CA7: variants seen among roughly 807,000 people sequenced by gnomAD.
CA7 encodes the protein carbonic anhydrase 7, also known as carbonate dehydratase VII.
CA7 carries 13 observed loss-of-function variants against 31.4 expected under a neutral mutation model. The observed-to-expected ratio is 0.41, with a 90% confidence interval of 0.27 to 0.66. The LOEUF (loss-of-function observed/expected upper bound fraction) is 0.66, where lower values mean the gene tolerates loss of function less well. CA7 is among the 30% of genes least tolerant of loss of function. CA7 has a pLI of 0.28. For missense variants in CA7, 215 were observed against 351.0 expected (o/e 0.61, Z 3.10); for synonymous variants, 128 against 133.2 (o/e 0.96, Z 0.27).
chr16:66,848,794 C>T (rs983184820), intron 2 of CA7, among the ~76,000 whole-genome samples: 1 of 152,184 alleles, frequency 6.6e-6, no homozygotes, highest in African/African-American at 2.4e-5. Context: ...TAGGAGCCCA[C>T]ACTATAGGGT....
At chr16:66,850,758 A>AG (rs762538112) in intron 3 of CA7, 99 bp downstream of exon 3, 1 of 869,624 alleles carries the variant, frequency 1.1e-6, no homozygotes, top group Non-Finnish European at 1.9e-6. Flanking sequence ...GGCCTTGGAG[A>AG]GGGGGAAGAG....
chr16:66,851,179 G>A (rs1351904440), intron 3 of CA7, among the ~76,000 whole-genome samples: 4 of 152,244 alleles, frequency 2.6e-5, no homozygotes, highest in Non-Finnish European at 5.9e-5. Flanking sequence ...CACGCTGGAT[G>A]TTCATGATCG....
chr16:66,853,832 A>AT lies in CA7; in HGVS notation c.*334_*335insT. The stretch of plus-strand genomic sequence containing the variant: ...CCCCGAGCGCACACTGTGATGGAGG[A>AT]GACTGAGCTCCCTGGGGCGGGCAGC... On this transcript the variant is annotated 3_prime_UTR_variant, in exon 7 of 7. Coordinates refer to ENST00000338437, the MANE Select transcript of CA7 (RefSeq NM_005182.3). This position sits in a 1 kb window ranked among gnomAD's most constrained non-coding sequence, Gnocchi z 4.5. The AT allele has an allele frequency of 3.6e-6, 1 of 275,908 alleles. No homozygotes were observed. Among genetic ancestry groups the AT allele is most frequent in the Non-Finnish European group, 7.0e-6 (1 of 143,550 alleles). The allele number at this position is 275,908 out of a possible 1,614,324, so 17.1% of individuals were successfully genotyped here. A position where few individuals can be genotyped will look rare whatever the true frequency, so the allele number is the denominator to read the frequency against.
chr16:66,850,771 G>A (rs980637637), intron 3 of CA7, 112 bp downstream of exon 3: 9 of 766,412 alleles, frequency 1.2e-5, no homozygotes, highest in African/African-American at 1.7e-5. Context: ...GGGAAGAGGA[G>A]CACCCGGGGC....
chr16:66,849,633 G>T (rs1159724471), intron 2 of CA7, among the ~76,000 whole-genome samples: 1 of 152,222 alleles, frequency 6.6e-6, no homozygotes, highest in African/African-American at 2.4e-5. Context: ...AGGCCTAACT[G>T]TCAGTGATAA....
chr16:66,847,264 TG>T, intron 2 of CA7, 37 bp downstream of exon 2: 1 of 1,596,620 alleles, frequency 6.3e-7, no homozygotes, highest in Non-Finnish European at 8.6e-7. Flanking sequence ...ACCTGGCCCC[TG>T]GCCCCTTAGG....
In CA7 at chr16:66,851,698, C is replaced by T; in HGVS notation, c.488C>T (p.Thr163Ile). ...GDEHPSMNRL[T>I]DALYMVRFKG... ...GAGCACCCCAGCATGAATCGTCTGA[C>T]AGATGCGCTCTACATGGTCCGGTTC... The change falls in exon 5 of 7, where the codon ACA becomes ATA. Residue 163 changes from threonine (T) to isoleucine (I), a missense_variant. Coordinates refer to ENST00000338437, the MANE Select transcript of CA7 (RefSeq NM_005182.3). 1 of 1,614,128 alleles carries T rather than the reference C, an allele frequency of 6.2e-7. No individual in the cohort carries two copies. Among genetic ancestry groups the T allele is most frequent in the Non-Finnish European group, 8.5e-7 (1 of 1,180,000 alleles).
At chr16:66,848,162 T>C (rs983080379) in intron 2 of CA7, among the ~76,000 whole-genome samples, 1 of 151,952 alleles carries the variant, frequency 6.6e-6, no homozygotes, top group Non-Finnish European at 1.5e-5. Context: ...ATGAGAAGAG[T>C]GATCTTACTT....
chr16:66,846,491 C>T (rs1960931755), intron 1 of CA7, among the ~76,000 whole-genome samples: 1 of 152,176 alleles, frequency 6.6e-6, no homozygotes, highest in African/African-American at 2.4e-5. Flanking sequence ...TATGCATGCA[C>T]ACATGTGTGA....
At chr16:66,852,631 A>T in intron 5 of CA7, 81 bp from the exon 6 acceptor site, 1 of 940,656 alleles carries the variant, frequency 1.1e-6, no homozygotes, top group Non-Finnish European at 1.5e-6. Context: ...AAAAAGAAAG[A>T]AAGAGATGGG....
intron 1 of CA7, among the ~76,000 whole-genome samples, chr16:66,846,549 T>C (rs982843346): frequency 1.3e-5 from 2 of 152,224 alleles, no homozygotes; most frequent in African/African-American, 4.8e-5. Context: ...TGCTGGTTTC[T>C]ATTTCACAAG....
chr16:66,845,007 C>G, intron 1 of CA7: 1 of 988,158 alleles, frequency 1.0e-6, no homozygotes, highest in Non-Finnish European at 1.2e-6. Context: ...GAGAATTTCC[C>G]CGCAGAAGTG....
chr16:66,850,327 C>G (rs1373341496), intron 2 of CA7, among the ~76,000 whole-genome samples: 4 of 151,946 alleles, frequency 2.6e-5, no homozygotes, highest in African/African-American at 9.7e-5. Flanking sequence ...ATAGTCCCAG[C>G]TACTCGGGGG....
At position 66,851,496 on chromosome 16, in the gene CA7, A is replaced by G; in HGVS notation, c.391A>G (p.Ser131Gly). The change falls in exon 4 of 7, where the codon AGC becomes GGC. Residue 131 changes from serine to glycine, a missense_variant. Transcript: ENST00000338437. ...HLVHWNAKKY[S>G]TFGEAASAPD... is the part of the protein sequence containing the mutation. ...GGTTCACTGGAATGCCAAGAAGTAC[A>G]GCACTTTTGGGGAGGCGGCCTCAGC... is the stretch of plus-strand genomic sequence containing the variant. 2 of 1,614,166 alleles carry G rather than the reference A, an allele frequency of 1.2e-6. No homozygotes were observed. Among genetic ancestry groups the G allele is most frequent in the Non-Finnish European group, 1.7e-6 (2 of 1,180,012 alleles).
At position 66,851,658 on chromosome 16, in the gene CA7, T is replaced by C. The variant is rs1214088864; in HGVS notation, c.454-6T>C. 1.5e-5 allele frequency: 24 copies of C among 1,614,114 alleles called. No individual in the cohort carries two copies. The highest frequency in any genetic ancestry group is 1.9e-5 in the Non-Finnish European group (23 of 1,179,986). On this transcript the variant is annotated splice_polypyrimidine_tract_variant and splice_region_variant and intron_variant, in intron 4 of 6. Coordinates refer to ENST00000338437, the MANE Select transcript of CA7 (RefSeq NM_005182.3). ...CTCTGGGCTCACACTGCCCTCTCCC[T>C]GACAGACAGGAGACGAGCACCCCAG...
At chr16:66,844,899 G>C (rs1960892244) in intron 1 of CA7, 2 of 1,050,912 alleles carry the variant, frequency 1.9e-6, no homozygotes, top group African/African-American at 3.4e-5. Flanking sequence ...GCGCCGCGGA[G>C]CGCTGTGCGC....
chr16:66,846,909 C>T, intron 1 of CA7, 121 bp from the exon 2 acceptor site: 1 of 755,010 alleles, frequency 1.3e-6, no homozygotes, highest in South Asian at 1.7e-5. Flanking sequence ...AGCTGTGCAG[C>T]TCCAATGCAG....
chr16:66,844,907 C>G (rs1229369102), intron 1 of CA7: 1 of 1,040,220 alleles, frequency 9.6e-7, no homozygotes, highest in African/African-American at 1.7e-5. Context: ...GAGCGCTGTG[C>G]GCGGGTGTCT....
intron 5 of CA7, among the ~76,000 whole-genome samples, chr16:66,851,955 C>T (rs901594687): frequency 1.3e-5 from 2 of 152,082 alleles, no homozygotes; most frequent in Non-Finnish European, 2.9e-5. Context: ...ATGCTTGTCA[C>T]ATTAATGGTG....
Sources: gnomAD v4.1 joint callset for allele counts (sites outside exome capture counted in the v4.1 genomes callset) on GRCh38, gnomAD v4.1.1 for gene constraint, Gnocchi (gnomAD v3.1) non-coding constraint, MANE v1.5 for transcripts, NCBI Gene and HGNC (gene_info 2026-07-23, HGNC 2026-07-21) for gene names.